Variants in TTLL5 observed in about 807,000 individuals in gnomAD.
The protein encoded by TTLL5 is tubulin tyrosine ligase like 5, also known as tubulin polyglutamylase TTLL5.
TTLL5 carries 132 observed loss-of-function variants against 168.4 expected under a neutral mutation model. That is an observed-to-expected ratio of 0.78 (90% confidence interval 0.68 to 0.91). The LOEUF (loss-of-function observed/expected upper bound fraction) is 0.91. Ranked by LOEUF, TTLL5 falls within the 40% of genes least tolerant of loss-of-function variation. The probability of loss-of-function intolerance (pLI) is 0.00; values close to 1 mark genes in which losing one functional copy is unlikely to be tolerated. For missense variants in TTLL5, 1,545 were observed against 1,581.5 expected (o/e 0.98, Z 0.39); for synonymous variants, 546 against 558.6 (o/e 0.98, Z 0.32).
intron 27 of TTLL5, among the ~76,000 whole-genome samples, chr14:75,800,996 C>T (rs769058780): frequency 3.3e-5 from 5 of 152,090 alleles, no homozygotes; most frequent in Non-Finnish European, 7.4e-5. Context: ...GTGGCGCTTT[C>T]AAGAGAGCAT....
At chr14:75,954,143 C>T (rs1272767056) in intron 31 of TTLL5, among the ~76,000 whole-genome samples, 3 of 150,636 alleles carry the variant, frequency 2.0e-5, no homozygotes, top group South Asian at 2.1e-4. Context: ...GTCCCAGCTA[C>T]TCGGGAGGCT....
intron 7 of TTLL5, among the ~76,000 whole-genome samples, chr14:75,699,917 A>C (rs752227025): frequency 9.2e-5 from 14 of 152,204 alleles, no homozygotes; most frequent in Non-Finnish European, 1.6e-4. Flanking sequence ...TTGTTGATTT[A>C]TATTTCTTTC....
At chr14:75,661,646 C>G (rs1385186232) in intron 1 of TTLL5, 1 of 152,306 alleles carries the variant, frequency 6.6e-6, no homozygotes, top group Admixed American at 6.5e-5. Context: ...AGGTGAGTAT[C>G]TCTACTCTTC....
At chr14:75,751,036 A>C (rs1594969629) in intron 17 of TTLL5, among the ~76,000 whole-genome samples, 1 of 152,178 alleles carries the variant, frequency 6.6e-6, no homozygotes, top group Admixed American at 6.5e-5. Context: ...CCTTATTTGC[A>C]GTAAATGGCT....
intron 3 of TTLL5, among the ~76,000 whole-genome samples, chr14:75,669,732 G>A (rs940865913): frequency 2.7e-4 from 40 of 149,046 alleles, no homozygotes; most frequent in African/African-American, 9.1e-4. Context: ...GTGTACATGT[G>A]TTTTTTTTTT....
intron 28 of TTLL5, among the ~76,000 whole-genome samples, chr14:75,826,138 G>A (rs778254202): frequency 1.8e-4 from 27 of 152,252 alleles, no homozygotes; most frequent in Admixed American, 3.9e-4. Flanking sequence ...AGTGAAAAAC[G>A]TGGATCTTTC....
intron 7 of TTLL5, among the ~76,000 whole-genome samples, chr14:75,702,382 G>A (rs947249833): frequency 6.6e-6 from 1 of 152,174 alleles, no homozygotes; most frequent in East Asian, 1.9e-4. Flanking sequence ...TCTCATAGAC[G>A]GCACTAGTTT....
chr14:75,661,943 T>C (rs1366441939), intron 1 of TTLL5, among the ~76,000 whole-genome samples: 1 of 152,248 alleles, frequency 6.6e-6, no homozygotes, highest in African/African-American at 2.4e-5. Flanking sequence ...TGACAGCAAG[T>C]AATTATCGCT....
intron 20 of TTLL5, 53 bp from the exon 21 acceptor site, chr14:75,771,681 T>C: frequency 6.2e-7 from 1 of 1,608,008 alleles, no homozygotes; most frequent in South Asian, 1.1e-5. Flanking sequence ...AGTACACATT[T>C]TGTAGTTTTA....
At chr14:75,895,825 C>T (rs892774374) in intron 30 of TTLL5, among the ~76,000 whole-genome samples, 2 of 152,146 alleles carry the variant, frequency 1.3e-5, no homozygotes, top group Non-Finnish European at 2.9e-5. Flanking sequence ...AAATCTACAA[C>T]AGTCAGGTGC....
chr14:75,872,651 C>CA (rs1270223635), intron 29 of TTLL5, among the ~76,000 whole-genome samples: 3 of 152,068 alleles, frequency 2.0e-5, no homozygotes, highest in Non-Finnish European at 2.9e-5. Flanking sequence ...GGCTCACACC[C>CA]ATAATCCCAG....
At chr14:75,738,403 G>C (rs1225825724) in intron 15 of TTLL5, among the ~76,000 whole-genome samples, 1 of 152,108 alleles carries the variant, frequency 6.6e-6, no homozygotes, top group African/African-American at 2.4e-5. Context: ...GCAATTTCTG[G>C]TAAGCTTGAA....
chr14:75,779,805 C>A, intron 24 of TTLL5, 103 bp downstream of exon 24: 1 of 1,212,632 alleles, frequency 8.2e-7, no homozygotes, highest in South Asian at 1.9e-5. Flanking sequence ...ACTAATAGTC[C>A]CCAAGGTAAT....
At chr14:75,730,134 A>G (rs1274729689) in intron 12 of TTLL5, among the ~76,000 whole-genome samples, 1 of 152,212 alleles carries the variant, frequency 6.6e-6, no homozygotes, top group Non-Finnish European at 1.5e-5. Context: ...AATGAAGAGA[A>G]TATTCTTTTT....
intron 28 of TTLL5, among the ~76,000 whole-genome samples, chr14:75,855,852 C>T (rs1157328439): frequency 6.6e-6 from 1 of 152,172 alleles, no homozygotes; most frequent in Non-Finnish European, 1.5e-5. Flanking sequence ...ACAATCCAGT[C>T]TCTACAACAT....
chr14:75,760,623 T>C (rs1205278932), intron 18 of TTLL5, among the ~76,000 whole-genome samples: 1 of 152,038 alleles, frequency 6.6e-6, no homozygotes, highest in African/African-American at 2.4e-5. Context: ...TGAAACAGAA[T>C]AGGAAGCCCA....
intron 31 of TTLL5, among the ~76,000 whole-genome samples, chr14:75,919,449 CTT>C (rs1393980128): frequency 6.6e-6 from 1 of 152,152 alleles, no homozygotes; most frequent in African/African-American, 2.4e-5. Flanking sequence ...CAGAAATAAA[CTT>C]ATATATCAAA....
At chr14:75,754,433 A>T (rs1890126147) in intron 18 of TTLL5, among the ~76,000 whole-genome samples, 1 of 152,186 alleles carries the variant, frequency 6.6e-6, no homozygotes, top group Non-Finnish European at 1.5e-5. Flanking sequence ...TTTGCTTAAG[A>T]CAGGTAGTTT....
intron 24 of TTLL5, among the ~76,000 whole-genome samples, 191 bp from the exon 25 acceptor site, chr14:75,782,296 G>A (rs1284127989): frequency 6.6e-6 from 1 of 152,106 alleles, no homozygotes; most frequent in Non-Finnish European, 1.5e-5. Flanking sequence ...GAATAGCTGG[G>A]AATCATTTAA....
Sources: gnomAD v4.1 joint callset for allele counts (sites outside exome capture counted in the v4.1 genomes callset) on GRCh38, gnomAD v4.1.1 for gene constraint, MANE v1.5 for transcripts, NCBI Gene and HGNC (gene_info 2026-07-23, HGNC 2026-07-21) for gene names.